The following SLC35F3 variants were observed in gnomAD, a reference collection of about 807,000 sequenced individuals.
SLC35F3 encodes the protein solute carrier family 35 member F3, also known as putative thiamine transporter SLC35F3.
In SLC35F3, 25 loss-of-function variants were observed where a neutral mutation model predicts 49.9. The observed-to-expected ratio is 0.50, with a 90% CI of 0.37 to 0.70. The LOEUF is 0.70. Ranked by LOEUF, SLC35F3 falls within the 30% of genes least tolerant of loss-of-function variation. The pLI, the probability that SLC35F3 is intolerant of heterozygous loss-of-function variation, is 0.00. For missense variants in SLC35F3, 525 were observed against 639.8 expected (o/e 0.82, Z 1.94); for synonymous variants, 275 against 265.4 (o/e 1.04, Z -0.35).
At chr1:234,235,600 G>C (rs1044544181) in intron 3 of SLC35F3, among the ~76,000 whole-genome samples, 1 of 152,242 alleles carries the variant, frequency 6.6e-6, no homozygotes, top group Non-Finnish European at 1.5e-5. Flanking sequence ...GGTCTTCCAG[G>C]AATTTGCAGC....
At position 234,027,595 on chromosome 1, in the gene SLC35F3, C is replaced by T. The variant is rs186312958; in HGVS notation, c.283+121837C>T. Among the ~76,000 whole-genome samples the T allele has an allele frequency of 1.1e-3, 165 of 152,116 alleles. No homozygotes were observed. Among genetic ancestry groups the T allele is most frequent in the African/African-American group, 3.7e-3 (152 of 41,464 alleles). On this transcript the variant is annotated intron_variant, in intron 2 of 7. Transcript: ENST00000366618. This position sits in a 1 kb window ranked among gnomAD's most constrained non-coding sequence, Gnocchi z 4.1. ...TTCTCTGATCTAAGCAAGACAAAAA[C>T]GAGGGCCTAAACTAAGCTGGTCACA... is the stretch of plus-strand genomic sequence containing the variant.
rs768107823 is a variant in SLC35F3 at position 234,318,727 on chromosome 1, GTCC to G, written c.955-18_955-16del. The G allele has an allele frequency of 1.9e-6, 3 of 1,607,830 alleles. No individual in the cohort carries two copies. The South Asian group carries it at 3.3e-5, about 18-fold the overall frequency. Reference sequence around the variant, plus strand: ...GGGGTCTGAGGTGAGCCTTCACCCCGTCCTCCTCTGCTTTCTCCTACAGGTTTT... The same window carrying G: ...GGGGTCTGAGGTGAGCCTTCACCCCGTCCTCTGCTTTCTCCTACAGGTTTT... On this transcript the variant is annotated intron_variant, in intron 5 of 7. Transcript: ENST00000366618.
intron 2 of SLC35F3, among the ~76,000 whole-genome samples, chr1:234,016,601 G>T (rs1262230233): frequency 6.6e-6 from 1 of 152,196 alleles, no homozygotes; most frequent in Non-Finnish European, 1.5e-5. Flanking sequence ...GCTCATAGAT[G>T]AAGAGTAGAA....
At chr1:234,223,356 C>G (rs1667237945) in intron 2 of SLC35F3, among the ~76,000 whole-genome samples, 1 of 152,126 alleles carries the variant, frequency 6.6e-6, no homozygotes, top group Admixed American at 6.5e-5. Flanking sequence ...GTAGATCAGA[C>G]ACATCTCAAA....
At chr1:234,299,304 C>A (rs867375658) in intron 3 of SLC35F3, among the ~76,000 whole-genome samples, 3 of 152,300 alleles carry the variant, frequency 2.0e-5, no homozygotes, top group Middle Eastern at 3.4e-3. Flanking sequence ...AACCCACCAA[C>A]TGGGAGAAGC....
chr1:234,016,132 C>A (rs1663799492), intron 2 of SLC35F3, among the ~76,000 whole-genome samples: 1 of 151,888 alleles, frequency 6.6e-6, no homozygotes, highest in African/African-American at 2.4e-5. Flanking sequence ...TGGCAATTAT[C>A]AAAAAAATGA....
At chr1:234,319,302 A>T (rs1657561036) in intron 6 of SLC35F3, among the ~76,000 whole-genome samples, 2 of 150,584 alleles carry the variant, frequency 1.3e-5, no homozygotes, top group South Asian at 4.2e-4. Context: ...AATACTATAG[A>T]TTATCATTAT....
intron 2 of SLC35F3, among the ~76,000 whole-genome samples, chr1:234,175,631 C>T (rs898434802): frequency 2.8e-5 from 4 of 145,448 alleles, no homozygotes; most frequent in African/African-American, 1.0e-4. Flanking sequence ...CCACTGCACT[C>T]CAGCCTGGGC....
intron 2 of SLC35F3, among the ~76,000 whole-genome samples, chr1:233,974,174 C>CT (rs757673463): frequency 0.028 from 2,314 of 83,128 alleles, 272 homozygotes; most frequent in African/African-American, 0.073. Flanking sequence ...ATTTCTATTT[C>CT]TTTTTTTTTT....
At chr1:234,215,389 G>A (rs1046557537) in intron 2 of SLC35F3, among the ~76,000 whole-genome samples, 1 of 152,174 alleles carries the variant, frequency 6.6e-6, no homozygotes, top group South Asian at 2.1e-4. Context: ...GAGAAGGGGG[G>A]CAGAGGGCCA....
chr1:234,075,888 G>A (rs1664785048), intron 2 of SLC35F3, among the ~76,000 whole-genome samples: 1 of 152,126 alleles, frequency 6.6e-6, no homozygotes, highest in Admixed American at 6.5e-5. Flanking sequence ...TCCCCTACCT[G>A]CTCCTTTTCT....
In SLC35F3 at chr1:234,031,352, C is replaced by T. The variant is rs184628297; in HGVS notation, c.283+125594C>T. Among the ~76,000 whole-genome samples, 5 of 152,330 alleles carry T rather than the reference C, an allele frequency of 3.3e-5. No individual in the cohort carries two copies. The East Asian group carries it at 7.7e-4, about 24-fold the overall frequency. ...GTGAACTCAAAAAGGACCTGGTCCC[C>T]TCTACACCTGTTGGACCTCATTTTC... On this transcript the variant is annotated intron_variant, in intron 2 of 7. Coordinates refer to ENST00000366618, the MANE Select transcript of SLC35F3 (RefSeq NM_173508.4).
At chr1:234,279,639 G>A (rs1006341874) in intron 3 of SLC35F3, among the ~76,000 whole-genome samples, 8 of 152,148 alleles carry the variant, frequency 5.3e-5, no homozygotes, top group Non-Finnish European at 1.5e-5. Context: ...TGCAGGGCTA[G>A]GAGCCCAGCA....
chr1:233,969,062 G>C (rs1222812045), intron 2 of SLC35F3, among the ~76,000 whole-genome samples: 3 of 147,428 alleles, frequency 2.0e-5, no homozygotes, highest in African/African-American at 5.2e-5. Flanking sequence ...ACATATTTTG[G>C]GGGGGGGGAC....
chr1:234,056,201 A>G (rs879910839), intron 2 of SLC35F3, among the ~76,000 whole-genome samples: 4 of 151,546 alleles, frequency 2.6e-5, no homozygotes, highest in Non-Finnish European at 5.9e-5. Flanking sequence ...GTTCATTTTT[A>G]TTTTCTAAGA....
chr1:234,087,603 C>G (rs1007741965), intron 2 of SLC35F3, among the ~76,000 whole-genome samples: 2 of 152,240 alleles, frequency 1.3e-5, no homozygotes, highest in Admixed American at 6.5e-5. Context: ...GTGCTTTCTT[C>G]ATTCCATTCA....
intron 3 of SLC35F3, among the ~76,000 whole-genome samples, chr1:234,283,010 GTTCT>G (rs1432338532): frequency 1.3e-5 from 2 of 152,220 alleles, no homozygotes; most frequent in Non-Finnish European, 2.9e-5. Context: ...ACGAGGTGCT[GTTCT>G]TTCTTAAAAG....
At chr1:234,298,732 C>G (rs1668645620) in intron 3 of SLC35F3, among the ~76,000 whole-genome samples, 1 of 152,218 alleles carries the variant, frequency 6.6e-6, no homozygotes, top group Non-Finnish European at 1.5e-5. Flanking sequence ...ATTTCAGAAC[C>G]TCCTTTGAGC....
intron 3 of SLC35F3, among the ~76,000 whole-genome samples, chr1:234,244,631 T>C (rs1318398352): frequency 1.3e-5 from 2 of 152,100 alleles, no homozygotes; most frequent in African/African-American, 4.8e-5. Flanking sequence ...TTTTTTTTTT[T>C]TGGAAATTAG....
Sources: gnomAD v4.1 joint callset for allele counts (sites outside exome capture counted in the v4.1 genomes callset) on GRCh38, gnomAD v4.1.1 for gene constraint, Gnocchi (gnomAD v3.1) non-coding constraint, MANE v1.5 for transcripts, NCBI Gene and HGNC (gene_info 2026-07-23, HGNC 2026-07-21) for gene names.